TACC2: variants seen among roughly 807,000 people sequenced by gnomAD.
TACC2 encodes transforming acidic coiled-coil containing protein 2.
In TACC2, 137 loss-of-function variants were observed where a neutral mutation model predicts 227.3. The ratio of observed to expected loss-of-function variants is 0.60; its 90% CI spans 0.52 to 0.69. TACC2 has a LOEUF of 0.69. Among genes scored for constraint, TACC2 ranks in the 30% least tolerant of loss-of-function variants. The pLI, the probability that TACC2 is intolerant of heterozygous loss-of-function variation, is 0.00. For missense variants in TACC2, 3,470 were observed against 3,694.4 expected, an observed-to-expected ratio of 0.94 and a Z score of 1.57; for synonymous variants, 1,523 against 1,487.5, an observed-to-expected ratio of 1.02 and a Z score of -0.55.
chr10:122,002,828 A>C (rs936549122), intron 1 of TACC2, among the ~76,000 whole-genome samples: 1 of 152,108 alleles, frequency 6.6e-6, no homozygotes, highest in African/African-American at 2.4e-5. Context: ...TCCCTCTTGT[A>C]ATTTTGTGTG....
At position 122,194,844 on chromosome 10, in the gene TACC2, G is replaced by A. The variant is rs1395261142; in HGVS notation, c.5835-196G>A. 3.9e-5 allele frequency among the ~76,000 whole-genome samples: 6 copies of A among 152,234 alleles called. No individual in the cohort carries two copies. Among genetic ancestry groups the A allele is most frequent in the South Asian group, 2.1e-4 (1 of 4,830 alleles). Reference sequence around the variant, plus strand: ...GCCGAGTTCAAAGAATACATCATTTGTGTGCAATCAGAGCCAGTGATAAGA... The same window carrying A: ...GCCGAGTTCAAAGAATACATCATTTATGTGCAATCAGAGCCAGTGATAAGA... On this transcript the variant is annotated intron_variant, in intron 7 of 22. Coordinates refer to ENST00000369005, the MANE Select transcript of TACC2 (RefSeq NM_206862.4). The surrounding 1 kb of genome is among the most constrained non-coding windows in gnomAD (Gnocchi z 4.4).
chr10:122,206,796 G>T (rs1424106183), intron 8 of TACC2, among the ~76,000 whole-genome samples: 1 of 152,210 alleles, frequency 6.6e-6, no homozygotes, highest in Admixed American at 6.5e-5. Flanking sequence ...ATCTGTGTCA[G>T]TGGAGACATG....
At chr10:122,253,027 G>A (rs1413396671) in intron 22 of TACC2, among the ~76,000 whole-genome samples, 1 of 152,170 alleles carries the variant, frequency 6.6e-6, no homozygotes, top group Non-Finnish European at 1.5e-5. Flanking sequence ...CTGACACAAT[G>A]ATGAATGACA....
At chr10:122,015,233 G>A (rs1389008243) in intron 1 of TACC2, among the ~76,000 whole-genome samples, 4 of 152,074 alleles carry the variant, frequency 2.6e-5, no homozygotes, top group African/African-American at 4.8e-5. Flanking sequence ...GGCCCGGCAC[G>A]GTGGCTCATG....
At chr10:122,125,004 G>A (rs2086565739) in intron 5 of TACC2, among the ~76,000 whole-genome samples, 1 of 140,646 alleles carries the variant, frequency 7.1e-6, no homozygotes, top group African/African-American at 2.7e-5. Context: ...ACACTCTCCA[G>A]CACGAAGCCA....
At chr10:121,999,012 CTTT>C (rs201601074) in intron 1 of TACC2, among the ~76,000 whole-genome samples, 3 of 142,104 alleles carry the variant, frequency 2.1e-5, no homozygotes, top group Non-Finnish European at 1.5e-5. Context: ...TTCTTTCTTT[CTTT>C]TTTTTTTTTT....
intron 5 of TACC2, among the ~76,000 whole-genome samples, chr10:122,094,513 A>G (rs2081168805): frequency 1.3e-5 from 2 of 152,158 alleles, no homozygotes; most frequent in Admixed American, 6.5e-5. Context: ...TCCCAGCCTC[A>G]AACAATCCTC....
At chr10:122,133,310 G>A (rs1165540115) in intron 6 of TACC2, among the ~76,000 whole-genome samples, 2 of 152,036 alleles carry the variant, frequency 1.3e-5, no homozygotes, top group Admixed American at 1.3e-4. Context: ...CACTGATCAC[G>A]GTTCTCCGTC....
At chr10:122,079,560 A>G (rs1451415681) in intron 3 of TACC2, among the ~76,000 whole-genome samples, 3 of 152,322 alleles carry the variant, frequency 2.0e-5, no homozygotes, top group African/African-American at 7.2e-5. Flanking sequence ...CAGGCATTAG[A>G]TAAAGATGAG....
chr10:122,153,982 T>C lies in TACC2; in HGVS notation c.5834+10276T>C, dbSNP rs112810240. 7.7e-3 allele frequency among the ~76,000 whole-genome samples: 1,165 copies of C among 152,266 alleles called. 10 individuals carry two copies. Among genetic ancestry groups the C allele is most frequent in the Non-Finnish European group, 0.011 (738 of 68,030 alleles). On this transcript the variant is annotated intron_variant, in intron 7 of 22. Coordinates refer to ENST00000369005, the MANE Select transcript of TACC2 (RefSeq NM_206862.4). ...AAACAAGATCTGCCACTAGGGAGAT[T>C]GTTGAGGTCAGGGAGACTGGGGACC...
chr10:122,030,494 A>C (rs1405053912), intron 2 of TACC2, among the ~76,000 whole-genome samples: 1 of 152,130 alleles, frequency 6.6e-6, no homozygotes, highest in Non-Finnish European at 1.5e-5. Flanking sequence ...AATGCTACAT[A>C]TGTTTACTAG....
chr10:122,050,411 T>C lies in TACC2; in HGVS notation c.34-27T>C. On this transcript the variant is annotated intron_variant, in intron 2 of 22. Transcript: ENST00000369005. The surrounding 1 kb of genome is among the most constrained non-coding windows in gnomAD (Gnocchi z 4.6). ...TTCAGAGACTCCTATCTGATTTCCT[T>C]TCCAATTTCTTTTTCTCCTGGCTCA... 1 of 1,584,142 alleles carries C rather than the reference T, an allele frequency of 6.3e-7. No homozygotes were observed. Among genetic ancestry groups the C allele is most frequent in the Non-Finnish European group, 8.7e-7 (1 of 1,154,646 alleles).
chr10:122,176,440 TCAGAGG>T (rs973126291), intron 7 of TACC2, among the ~76,000 whole-genome samples: 1 of 152,140 alleles, frequency 6.6e-6, no homozygotes, highest in African/African-American at 2.4e-5. Context: ...GTTTTGTGCA[TCAGAGG>T]CTCCCACAGG....
chr10:122,069,678 A>G (rs1032736631), intron 3 of TACC2, among the ~76,000 whole-genome samples: 3 of 152,206 alleles, frequency 2.0e-5, no homozygotes, highest in South Asian at 2.1e-4. Flanking sequence ...GGCTCTCTGA[A>G]AACATTGAAA....
intron 3 of TACC2, among the ~76,000 whole-genome samples, chr10:122,078,530 A>ACT (rs1322152245): frequency 6.6e-6 from 1 of 152,146 alleles, no homozygotes; most frequent in Non-Finnish European, 1.5e-5. Context: ...TCTGTGATGG[A>ACT]GGCTCTAGTC....
intron 3 of TACC2, among the ~76,000 whole-genome samples, chr10:122,058,715 C>G (rs1215229373): frequency 1.3e-5 from 2 of 151,852 alleles, no homozygotes; most frequent in Non-Finnish European, 2.9e-5. Context: ...GCCACTGCAA[C>G]TCTTTATAAG....
At chr10:122,247,793 C>T (rs2096159008) in intron 19 of TACC2, 1 of 152,214 alleles carries the variant, frequency 6.6e-6, no homozygotes, top group Non-Finnish European at 1.5e-5. Context: ...CTTTCAGGTA[C>T]TATGCTCAGT....
intron 5 of TACC2, among the ~76,000 whole-genome samples, chr10:122,109,035 C>T (rs1449933510): frequency 6.6e-6 from 1 of 152,186 alleles, no homozygotes; most frequent in Non-Finnish European, 1.5e-5. Flanking sequence ...GCCTGGCCTA[C>T]ATTTTCTTTA....
At chr10:122,117,682 A>G (rs1449363323) in intron 5 of TACC2, among the ~76,000 whole-genome samples, 1 of 152,170 alleles carries the variant, frequency 6.6e-6, no homozygotes, top group Admixed American at 6.5e-5. Context: ...GGTTGTGTCC[A>G]CGCTTGGTCC....
Sources: gnomAD v4.1 joint callset for allele counts (sites outside exome capture counted in the v4.1 genomes callset) on GRCh38, gnomAD v4.1.1 for gene constraint, Gnocchi (gnomAD v3.1) non-coding constraint, MANE v1.5 for transcripts, NCBI Gene and HGNC (gene_info 2026-07-23, HGNC 2026-07-21) for gene names.